Variants in MDFI observed in about 807,000 individuals in gnomAD.
The protein encoded by MDFI is inhibitor of MyoD family a.
In MDFI, 16 loss-of-function variants were observed where a neutral mutation model predicts 22.3. That is an observed-to-expected ratio of 0.72 (90% CI 0.49 to 1.09). The LOEUF (loss-of-function observed/expected upper bound fraction) is 1.09, where lower values mean the gene tolerates loss of function less well. Among genes scored for constraint, MDFI ranks in the 50% least tolerant of loss-of-function variants. MDFI has a pLI of 0.00. For missense variants in MDFI, 314 were observed against 326.1 expected (o/e 0.96, Z 0.29); for synonymous variants, 145 against 142.7 (o/e 1.02, Z -0.12).
chr6:41,643,583 AGGGAGGGAGGGAGGGAG>A (rs1561829736), intron 2 of MDFI, among the ~76,000 whole-genome samples: 92 of 67,392 alleles, frequency 1.4e-3, no homozygotes, highest in Middle Eastern at 7.7e-3. Flanking sequence ...GGAAGGAGGG[AGGGAGGGAGGGAGGGAG>A]GGAAGGAGGG....
At chr6:41,652,607 T>C (rs989204644) in intron 4 of MDFI, among the ~76,000 whole-genome samples, 4 of 113,636 alleles carry the variant, frequency 3.5e-5, no homozygotes, top group Non-Finnish European at 7.3e-5. Flanking sequence ...ACTCTCCCTC[T>C]CTTTTTTTTT....
chr6:41,638,852 T>G lies in MDFI; in HGVS notation c.76+27T>G. On this transcript the variant is annotated intron_variant, in intron 2 of 4. Transcript: ENST00000230321. This position sits in a 1 kb window ranked among gnomAD's most constrained non-coding sequence, Gnocchi z 7.6. The stretch of plus-strand genomic sequence containing the variant: ...TAGGACCGGGAGTGGCGAGCGAAGC[T>G]GGACAGGGGCGGGTGGGCGGCTGAA... 6.5e-7 allele frequency: 1 copy of G among 1,533,418 alleles called. No homozygotes were observed. The highest frequency in any genetic ancestry group is 8.7e-7 in the Non-Finnish European group (1 of 1,145,250). The allele number at this position is 1,533,418 out of a possible 1,614,324, so 95.0% of individuals were successfully genotyped here.
rs1022593672 is a variant in MDFI at position 41,639,446 on chromosome 6, G to C, written c.76+621G>C. 17 of 985,300 alleles carry C rather than the reference G, an allele frequency of 1.7e-5. 1 individual carries two copies. Among genetic ancestry groups the C allele is most frequent in the Middle Eastern group, 1.0e-3 (2 of 1,936 alleles). 61.0% of individuals were successfully genotyped at this position (985,300 alleles called of 1,614,324 possible). ...AAGTGAAATGCCCCGTCCCGCGCCTGGCGCCGTCTGTAACCTACCCGCGAT... is the reference window on the plus strand; with the variant it reads ...AAGTGAAATGCCCCGTCCCGCGCCTCGCGCCGTCTGTAACCTACCCGCGAT... On this transcript the variant is annotated intron_variant, in intron 2 of 4. Coordinates refer to ENST00000230321, the MANE Select transcript of MDFI (RefSeq NM_005586.4).
At chr6:41,647,937 G>C (rs1046072377) in intron 3 of MDFI, among the ~76,000 whole-genome samples, 1 of 151,318 alleles carries the variant, frequency 6.6e-6, no homozygotes, top group African/African-American at 2.4e-5. Flanking sequence ...CTAGCTACTC[G>C]GGAGGCTGAG....
At position 41,651,301 on chromosome 6, in the gene MDFI, T is replaced by C. The variant is rs1000776076; in HGVS notation, c.484+1458T>C. 2.0e-5 allele frequency among the ~76,000 whole-genome samples: 3 copies of C among 149,250 alleles called. 1 individual carries two copies. The highest frequency in any genetic ancestry group is 4.5e-5 in the Non-Finnish European group (3 of 67,336). On this transcript the variant is annotated intron_variant, in intron 4 of 4. Coordinates refer to ENST00000230321, the MANE Select transcript of MDFI (RefSeq NM_005586.4). ...TCGCCATACGATGTGATAAGTGCAA[T>C]GATAAACTCATGCAGAGGATTACGC...
intron 2 of MDFI, chr6:41,639,635 T>C: frequency 4.1e-6 from 4 of 985,400 alleles, no homozygotes; most frequent in Non-Finnish European, 4.8e-6. Context: ...CAGGAACCTC[T>C]GGGATGTGTT....
Position 41,653,013 on chromosome 6 carries a change from T to C in MDFI, c.485-306T>C, listed in dbSNP as rs1250087942. ...TGGAGGCCTAAATGAATGTAATTCA[T>C]GCACAGCACTCAGAACAGTGCCAAG... On this transcript the variant is annotated intron_variant, in intron 4 of 4. Transcript: ENST00000230321. This position sits in a 1 kb window ranked among gnomAD's most constrained non-coding sequence, Gnocchi z 4.2. 1.3e-5 allele frequency among the ~76,000 whole-genome samples: 2 copies of C among 152,196 alleles called. No homozygotes were observed. Among genetic ancestry groups the C allele is most frequent in the South Asian group, 2.1e-4 (1 of 4,822 alleles).
chr6:41,641,222 G>GAT (rs1767842275), intron 2 of MDFI, among the ~76,000 whole-genome samples: 2 of 152,246 alleles, frequency 1.3e-5, no homozygotes, highest in South Asian at 4.1e-4. Context: ...GGGATGCAGA[G>GAT]ATGAATATGG....
Position 41,638,814 on chromosome 6 carries a change from C to T in MDFI, c.65C>T (p.Ala22Val). Residue 22 changes from alanine (A) to valine (V), a missense_variant, in exon 2 of 5, where the codon GCC becomes GTC. By Grantham distance (64) the Ala-to-Val change is moderately conservative (BLOSUM62 0). Coordinates refer to ENST00000230321, the MANE Select transcript of MDFI (RefSeq NM_005586.4). This position sits in a 1 kb window ranked among gnomAD's most constrained non-coding sequence, Gnocchi z 7.6. ...GCGCCCTATGGAGCCCCCAGCGCAGCCCCGGGCCCAGGTAGGACCGGGAGT... is the reference window on the plus strand; with the variant it reads ...GCGCCCTATGGAGCCCCCAGCGCAGTCCCGGGCCCAGGTAGGACCGGGAGT... ...CDAPYGAPSA[A>V]PGPAQTLSLL... The T allele has an allele frequency of 6.4e-7, 1 of 1,559,674 alleles. No individual in the cohort carries two copies. Among genetic ancestry groups the T allele is most frequent in the Non-Finnish European group, 8.6e-7 (1 of 1,159,018 alleles).
In MDFI at chr6:41,653,943, G is replaced by A; in HGVS notation, c.*368G>A. On this transcript the variant is annotated 3_prime_UTR_variant, in exon 5 of 5. Transcript: ENST00000230321. This position sits in a 1 kb window ranked among gnomAD's most constrained non-coding sequence, Gnocchi z 4.2. The stretch of plus-strand genomic sequence containing the variant: ...GTTACTTGGGGAGGGTGGGCCGGTG[G>A]GGCCGTAGCTCTCTACCTCTCCCTG... The A allele has an allele frequency of 6.5e-6, 2 of 306,868 alleles. No homozygotes were observed. The highest frequency in any genetic ancestry group is 4.4e-5 in the South Asian group (1 of 22,598). 19.0% of individuals were successfully genotyped at this position (306,868 alleles called of 1,614,324 possible).
At chr6:41,652,211 G>A (rs573103040) in intron 4 of MDFI, among the ~76,000 whole-genome samples, 5 of 152,336 alleles carry the variant, frequency 3.3e-5, no homozygotes, top group East Asian at 1.9e-4. Flanking sequence ...AGCCAAGCAC[G>A]TGCCTGTGGC....
chr6:41,651,375 C>A (rs1013983491), intron 4 of MDFI, among the ~76,000 whole-genome samples: 1 of 148,914 alleles, frequency 6.7e-6, no homozygotes, highest in Admixed American at 6.7e-5. Flanking sequence ...GGGAGGGAAT[C>A]CTGGGAAGGC....
In MDFI at chr6:41,649,612, T is replaced by C; in HGVS notation, c.260-7T>C. The C allele has an allele frequency of 6.4e-7, 1 of 1,564,794 alleles. No individual in the cohort carries two copies. The highest frequency in any genetic ancestry group is 1.4e-5 in the African/African-American group (1 of 73,390). On this transcript the variant is annotated splice_region_variant and splice_polypyrimidine_tract_variant and intron_variant, in intron 3 of 4. Coordinates refer to ENST00000230321, the MANE Select transcript of MDFI (RefSeq NM_005586.4). ...TTTCCCATCACACTTTCTCTTCATC[T>C]CTCCAGGCCAGCCTCAGGGGAACCC...
chr6:41,647,743 C>T (rs1768104565), intron 3 of MDFI, among the ~76,000 whole-genome samples: 1 of 152,130 alleles, frequency 6.6e-6, no homozygotes, highest in Non-Finnish European at 1.5e-5. Flanking sequence ...AGTAGTAGAT[C>T]TATTGCGATG....
At chr6:41,638,441 G>C (rs929631564), upstream of MDFI, 10 of 411,940 alleles carry the variant, frequency 2.4e-5, no homozygotes, top group Admixed American at 3.8e-4. This position sits in a 1 kb window ranked among gnomAD's most constrained non-coding sequence, Gnocchi z 7.6. Context: ...TAGGGGAGGA[G>C]CGAGGGGGGC....
chr6:41,646,757 G>A (rs1288635131), intron 3 of MDFI, among the ~76,000 whole-genome samples: 1 of 152,146 alleles, frequency 6.6e-6, no homozygotes. Context: ...AGGAGGTCCT[G>A]GGGGGAGGGA....
At position 41,653,878 on chromosome 6, in the gene MDFI, G is replaced by A. The variant is rs774546849; in HGVS notation, c.*303G>A. 11 of 471,548 alleles carry A rather than the reference G, an allele frequency of 2.3e-5. No individual in the cohort carries two copies. The highest frequency in any genetic ancestry group is 5.0e-5 in the South Asian group (2 of 40,176). 29.2% of individuals were successfully genotyped at this position (471,548 alleles called of 1,614,324 possible). A position where few individuals can be genotyped will look rare whatever the true frequency, so the allele number is the denominator to read the frequency against. On this transcript the variant is annotated 3_prime_UTR_variant, in exon 5 of 5. Coordinates refer to ENST00000230321, the MANE Select transcript of MDFI (RefSeq NM_005586.4). This position sits in a 1 kb window ranked among gnomAD's most constrained non-coding sequence, Gnocchi z 4.2. ...CAACCTAGGGGCAGGGCTGGGGTGG[G>A]GACCGCAGGGGGCAGCCAGGGCTGG...
chr6:41,651,894 C>T (rs1249269922), intron 4 of MDFI, among the ~76,000 whole-genome samples: 1 of 152,252 alleles, frequency 6.6e-6, no homozygotes, highest in Non-Finnish European at 1.5e-5. Context: ...TCATGCATTT[C>T]TATTCTATTC....
At position 41,640,622 on chromosome 6, in the gene MDFI, C is replaced by T. The variant is rs73418070; in HGVS notation, c.76+1797C>T. On this transcript the variant is annotated intron_variant, in intron 2 of 4. Transcript: ENST00000230321. ...CTGAATTTGAGACCAGAATCCCCCACGCTTTACTCCCTGAGTGCTGACAGA... is the reference window on the plus strand; with the variant it reads ...CTGAATTTGAGACCAGAATCCCCCATGCTTTACTCCCTGAGTGCTGACAGA... 8.6e-3 allele frequency among the ~76,000 whole-genome samples: 1,303 copies of T among 152,364 alleles called. 20 individuals are homozygous for T. The highest frequency in any genetic ancestry group is 0.029 in the African/African-American group (1,216 of 41,574).
Sources: allele counts gnomAD v4.1 joint callset (sites outside exome capture counted in the v4.1 genomes callset), GRCh38; gene constraint gnomAD v4.1.1; non-coding constraint Gnocchi (gnomAD v3.1); transcripts MANE v1.5; gene names NCBI Gene and HGNC (gene_info 2026-07-23, HGNC 2026-07-21).